Variants in SLC2A13 observed in about 807,000 individuals in gnomAD.
The protein encoded by SLC2A13 is solute carrier family 2 member 13, also known as proton myo-inositol cotransporter.
SLC2A13 carries 32 observed loss-of-function variants against 64.4 expected under a neutral mutation model. That is an observed-to-expected ratio of 0.50 (90% CI 0.37 to 0.67). The LOEUF (loss-of-function observed/expected upper bound fraction) is 0.67. Among genes scored for constraint, SLC2A13 ranks in the 30% least tolerant of loss-of-function variants. The pLI is 0.00. For synonymous variants in SLC2A13, 338 were observed against 327.1 expected, an observed-to-expected ratio of 1.03 and a Z score of -0.36; for missense variants, 743 against 829.2, an observed-to-expected ratio of 0.90 and a Z score of 1.28.
Position 40,028,775 on chromosome 12 carries a change from T to C in SLC2A13, c.717-266A>G, listed in dbSNP as rs28370790. Among the ~76,000 whole-genome samples, 1,493 of 152,368 alleles carry C rather than the reference T, an allele frequency of 9.8e-3. 20 individuals are homozygous for C. Among genetic ancestry groups the C allele is most frequent in the African/African-American group, 0.034 (1,422 of 41,584 alleles). On this transcript the variant is annotated intron_variant, in intron 2 of 9. Coordinates refer to ENST00000280871, the MANE Select transcript of SLC2A13 (RefSeq NM_052885.4). ...GAATGAGCAAAAGCTACAGTCATTA[T>C]GTATACACATTCTAACCCAAATATA...
intron 1 of SLC2A13, among the ~76,000 whole-genome samples, chr12:40,080,576 G>C (rs547236072): frequency 5.9e-5 from 9 of 152,214 alleles, no homozygotes; most frequent in African/African-American, 1.9e-4. Context: ...ATTTTTGGTA[G>C]AGACGGGGTT....
intron 2 of SLC2A13, among the ~76,000 whole-genome samples, chr12:40,047,333 T>G (rs1044776414): frequency 1.3e-5 from 2 of 152,200 alleles, no homozygotes; most frequent in Non-Finnish European, 2.9e-5. Flanking sequence ...TGAATAAATA[T>G]TTGTTCTAAT....
At chr12:40,057,146 G>C (rs1948344970) in intron 1 of SLC2A13, among the ~76,000 whole-genome samples, 1 of 152,082 alleles carries the variant, frequency 6.6e-6, no homozygotes, top group Non-Finnish European at 1.5e-5. Flanking sequence ...AATAACAAAA[G>C]TAAACCCCAT....
chr12:39,987,905 T>C (rs965243475), intron 3 of SLC2A13, among the ~76,000 whole-genome samples: 3 of 152,090 alleles, frequency 2.0e-5, no homozygotes, highest in African/African-American at 7.2e-5. Context: ...CTGTTTAATA[T>C]AGTAAAACAT....
intron 4 of SLC2A13, among the ~76,000 whole-genome samples, chr12:39,901,181 G>T (rs10784267): frequency 6.6e-6 from 1 of 151,922 alleles, no homozygotes; most frequent in African/African-American, 2.4e-5. Flanking sequence ...CTTATACAAA[G>T]AAATTAATTC....
intron 3 of SLC2A13, among the ~76,000 whole-genome samples, chr12:39,978,088 T>C (rs1188259710): frequency 1.3e-5 from 2 of 152,222 alleles, no homozygotes; most frequent in African/African-American, 4.8e-5. Flanking sequence ...AGAGAACTGA[T>C]AGAAGTAAGC....
At chr12:39,853,773 T>A (rs1440314168) in intron 6 of SLC2A13, among the ~76,000 whole-genome samples, 1 of 152,110 alleles carries the variant, frequency 6.6e-6, no homozygotes, top group African/African-American at 2.4e-5. Context: ...ATAATCTATA[T>A]CTGTTTAGGA....
chr12:40,073,364 T>C (rs1938038064), intron 1 of SLC2A13, among the ~76,000 whole-genome samples: 1 of 152,130 alleles, frequency 6.6e-6, no homozygotes, highest in Admixed American at 6.6e-5. Flanking sequence ...AAACCATGTA[T>C]ATATGTGCTT....
intron 4 of SLC2A13, 52 bp downstream of exon 4, chr12:39,951,205 A>G: frequency 6.7e-7 from 1 of 1,491,328 alleles, no homozygotes; most frequent in Middle Eastern, 1.7e-4. Context: ...TATTTCACAT[A>G]AAATAATCCT....
intron 6 of SLC2A13, among the ~76,000 whole-genome samples, chr12:39,862,545 TCTC>T (rs1055358857): frequency 2.0e-5 from 3 of 152,186 alleles, no homozygotes; most frequent in East Asian, 1.9e-4. Context: ...TTAAACTACT[TCTC>T]CTTTAAAATC....
intron 4 of SLC2A13, among the ~76,000 whole-genome samples, chr12:39,895,758 A>ACG (rs1180877170): frequency 1.6e-5 from 1 of 63,838 alleles, no homozygotes; most frequent in African/African-American, 5.3e-5. Context: ...ATGCGTGTAT[A>ACG]CGTACACACA....
At chr12:39,924,456 T>A (rs1213467265) in intron 4 of SLC2A13, among the ~76,000 whole-genome samples, 1 of 152,136 alleles carries the variant, frequency 6.6e-6, no homozygotes, top group South Asian at 2.1e-4. Flanking sequence ...TTTGCTTCAA[T>A]CACTGTTTTC....
At chr12:39,815,960 A>G (rs1942326955) in intron 7 of SLC2A13, among the ~76,000 whole-genome samples, 1 of 152,172 alleles carries the variant, frequency 6.6e-6, no homozygotes. Context: ...TGTTCTGAGT[A>G]TACATTTTGT....
At chr12:39,965,996 A>G (rs1946504341) in intron 3 of SLC2A13, among the ~76,000 whole-genome samples, 1 of 152,046 alleles carries the variant, frequency 6.6e-6, no homozygotes, top group Middle Eastern at 3.2e-3. Flanking sequence ...CACCTATGGG[A>G]TGCGGGGCTT....
intron 3 of SLC2A13, among the ~76,000 whole-genome samples, chr12:39,994,809 G>T (rs1947200558): frequency 6.6e-6 from 1 of 152,218 alleles, no homozygotes; most frequent in Non-Finnish European, 1.5e-5. Context: ...AACCTCTACA[G>T]GTTTTTGAGA....
At chr12:39,971,916 A>G (rs1281024184) in intron 3 of SLC2A13, among the ~76,000 whole-genome samples, 1 of 148,946 alleles carries the variant, frequency 6.7e-6, no homozygotes, top group Non-Finnish European at 1.5e-5. Flanking sequence ...CGGAGGTTGC[A>G]GTGAGCTGAG....
At chr12:40,068,293 CT>C in intron 1 of SLC2A13, 1 of 410,102 alleles carries the variant, frequency 2.4e-6, no homozygotes. Flanking sequence ...TCAGAATAAC[CT>C]GGATCAATGA....
intron 7 of SLC2A13, among the ~76,000 whole-genome samples, chr12:39,803,104 T>C (rs1941850727): frequency 6.6e-6 from 1 of 151,512 alleles, no homozygotes. Flanking sequence ...GGCTCCCACC[T>C]GAAGTACAGG....
At chr12:39,868,537 C>T (rs1311304377) in intron 5 of SLC2A13, among the ~76,000 whole-genome samples, 3 of 152,178 alleles carry the variant, frequency 2.0e-5, no homozygotes, top group Admixed American at 2.0e-4. Context: ...TTTAGTAGAT[C>T]TGGGTTAAGG....
Sources: gnomAD v4.1 joint callset for allele counts (sites outside exome capture counted in the v4.1 genomes callset) on GRCh38, gnomAD v4.1.1 for gene constraint, MANE v1.5 for transcripts, NCBI Gene and HGNC (gene_info 2026-07-23, HGNC 2026-07-21) for gene names.